Variants in ZNF683 observed in about 807,000 individuals in gnomAD.
ZNF683 encodes zinc finger protein 683.
A neutral mutation model predicts 31.4 loss-of-function variants in ZNF683; 20 were observed. That is an observed-to-expected ratio of 0.64 (90% CI 0.45 to 0.93). The LOEUF is 0.93. Among genes scored for constraint, ZNF683 ranks in the 40% least tolerant of loss-of-function variants. ZNF683 has a pLI of 0.00. For missense variants in ZNF683, 621 were observed against 637.2 expected (o/e 0.97, Z 0.27); for synonymous variants, 264 against 267.6 (o/e 0.99, Z 0.13).
chr1:26,364,479 TG>T, intron 4 of ZNF683, 52 bp downstream of exon 4: 2 of 1,597,518 alleles, frequency 1.3e-6, no homozygotes, highest in South Asian at 1.1e-5. Flanking sequence ...CTCGGGTGCA[TG>T]GGGGGCCCTG....
intron 4 of ZNF683, 111 bp downstream of exon 4, chr1:26,364,421 T>C (rs2074462535): frequency 8.2e-7 from 1 of 1,213,694 alleles, no homozygotes; most frequent in South Asian, 1.3e-5. Flanking sequence ...CCCTAGAGGT[T>C]GCCCAGGAGT....
At chr1:26,368,291 G>A (rs2074579102) in intron 2 of ZNF683, among the ~76,000 whole-genome samples, 167 bp downstream of exon 2, 1 of 152,226 alleles carries the variant, frequency 6.6e-6, no homozygotes, top group Non-Finnish European at 1.5e-5. Context: ...CATGGGGAGA[G>A]GGTGTCTGGC....
chr1:26,373,590 C>T (rs1223207491), upstream of ZNF683, among the ~76,000 whole-genome samples: 3 of 152,126 alleles, frequency 2.0e-5, no homozygotes, highest in Non-Finnish European at 4.4e-5. Context: ...CTACTTCCAG[C>T]CTCCCTTGAT....
chr1:26,369,668 C>CAAA lies in ZNF683; in HGVS notation c.-14-1086_-14-1084dup, dbSNP rs56178546. On this transcript the variant is annotated intron_variant, in intron 1 of 5. Transcript: ENST00000349618. ...GGGTGACAGAGCAAGACTTTGTCTCCAAAAAAAAAAAATTAGCTGAGTGTG... is the reference window on the plus strand; with the variant it reads ...GGGTGACAGAGCAAGACTTTGTCTCCAAAAAAAAAAAAAAATTAGCTGAGTGTG... Among the ~76,000 whole-genome samples the CAAA allele has an allele frequency of 9.2e-4, 100 of 108,684 alleles. 1 individual carries two copies. The South Asian group carries it at 0.011, about 12-fold the overall frequency. 71.3% of individuals were successfully genotyped at this position (108,684 alleles called of 152,430 possible).
At chr1:26,362,633 G>A (rs2074413398) in intron 5 of ZNF683, among the ~76,000 whole-genome samples, 1 of 152,130 alleles carries the variant, frequency 6.6e-6, no homozygotes, top group Non-Finnish European at 1.5e-5. Flanking sequence ...CCTGTAAAAT[G>A]GGAAAGAACC....
chr1:26,371,737 G>A (rs187670820), intron 1 of ZNF683, among the ~76,000 whole-genome samples: 142 of 152,066 alleles, frequency 9.3e-4, no homozygotes, highest in African/African-American at 3.4e-3. Context: ...TTCAAGACCA[G>A]CATGAGCAAC....
chr1:26,368,465 C>A lies in ZNF683; in HGVS notation c.107G>T (p.Gly36Val). ...SPSLDFQLFR[G>V]DQVFSACRPL... is the part of the protein sequence containing the mutation. ...GCTGGGGTTCTACCTTACCTGGTCA[C>A]CTCGGAAGAGCTGGAAGTCCAGGCT... Residue 36 changes from glycine (G) to valine (V), a missense_variant, in exon 2 of 6, where the codon GGT becomes GTT. Physicochemically the swap from Gly to Val is moderately radical, Grantham distance 109. Transcript: ENST00000349618. 6.3e-7 allele frequency: 1 copy of A among 1,593,130 alleles called. No homozygotes were observed. Among genetic ancestry groups the A allele is most frequent in the Non-Finnish European group, 8.5e-7 (1 of 1,170,390 alleles).
intron 1 of ZNF683, among the ~76,000 whole-genome samples, chr1:26,369,004 G>A (rs897954433): frequency 2.8e-4 from 43 of 151,926 alleles, no homozygotes; most frequent in Non-Finnish European, 1.9e-4. Context: ...CAGCACTTTG[G>A]GAGTCCAAGG....
At position 26,363,706 on chromosome 1, in the gene ZNF683, C is replaced by T. The variant is rs79247225; in HGVS notation, c.1015-552G>A. Among the ~76,000 whole-genome samples the T allele has an allele frequency of 4.7e-3, 685 of 144,474 alleles. 8 individuals carry two copies. Among genetic ancestry groups the T allele is most frequent in the African/African-American group, 0.017 (666 of 38,584 alleles). 94.8% of individuals were successfully genotyped at this position (144,474 alleles called of 152,430 possible). A position where few individuals can be genotyped will look rare whatever the true frequency, so the allele number is the denominator to read the frequency against. ...TCCCTTAAGCCCAGGAGTTTGAGAC[C>T]AGCGTGGGCGACAGAATGAGACTCC... On this transcript the variant is annotated intron_variant, in intron 4 of 5. Coordinates refer to ENST00000349618, the MANE Select transcript of ZNF683 (RefSeq NM_001114759.3).
intron 4 of ZNF683, among the ~76,000 whole-genome samples, chr1:26,363,643 C>A (rs1306189319): frequency 1.3e-5 from 2 of 151,056 alleles, no homozygotes; most frequent in East Asian, 2.0e-4. Flanking sequence ...TGGTGTTTAC[C>A]CTTCGTCCCA....
intron 3 of ZNF683, among the ~76,000 whole-genome samples, chr1:26,366,211 T>C (rs1570255490): frequency 6.6e-6 from 1 of 150,810 alleles, no homozygotes; most frequent in Non-Finnish European, 1.5e-5. Flanking sequence ...GAAAGAAAAT[T>C]AGCTGGGTGT....
upstream of ZNF683, among the ~76,000 whole-genome samples, chr1:26,373,576 C>T (rs2124225413): frequency 6.6e-6 from 1 of 152,236 alleles, no homozygotes; most frequent in South Asian, 2.1e-4. Context: ...GGCCATGGTC[C>T]TGTCTACTTC....
chr1:26,362,137 G>A lies in ZNF683; in HGVS notation c.1144-115C>T, dbSNP rs754114266. The A allele has an allele frequency of 4.3e-6, 7 of 1,612,442 alleles. No homozygotes were observed. The African/African-American group carries it at 9.3e-5, about 22-fold the overall frequency. ...CCACCTCTCTTTCCCTCCAGGCCTG[G>A]AAGCTTTTCCAGTGATTTCTTCCTG... On this transcript the variant is annotated intron_variant, in intron 5 of 5. Transcript: ENST00000349618.
intron 4 of ZNF683, 131 bp downstream of exon 4, chr1:26,364,400 AG>A: frequency 1.0e-6 from 1 of 973,650 alleles, no homozygotes; most frequent in Non-Finnish European, 1.6e-6. Flanking sequence ...GAACCATCCA[AG>A]GTCACTTGGC....
At chr1:26,362,199 C>A (rs774005074) in intron 5 of ZNF683, 177 bp from the exon 6 acceptor site, 4 of 1,566,846 alleles carry the variant, frequency 2.6e-6, no homozygotes, top group Non-Finnish European at 3.5e-6. Flanking sequence ...ACCAGGCCAA[C>A]TTGGGTTAGT....
rs753388820 is a variant in ZNF683, at chr1:26,361,832, A to G, written c.1334T>C (p.Leu445Pro). Residue 445 changes from leucine (L) to proline (P), a missense_variant, in exon 6 of 6, where the codon CTG (leucine) becomes CCG (proline). Transcript: ENST00000349618. ...LVHTQLPLAS[L>P]ACLAQWHQGA... ...CTGGTGCCATTGGGCAAGGCAGGCC[A>G]GAGAGGCCAGGGGCAGCTGGGTGTG... The G allele has an allele frequency of 6.2e-7, 1 of 1,614,066 alleles. No individual in the cohort carries two copies. Among genetic ancestry groups the G allele is most frequent in the Non-Finnish European group, 8.5e-7 (1 of 1,179,904 alleles).
chr1:26,368,878 G>A (rs1156494669), intron 1 of ZNF683, among the ~76,000 whole-genome samples: 1 of 152,116 alleles, frequency 6.6e-6, no homozygotes, highest in Non-Finnish European at 1.5e-5. Context: ...TTGGGAGGCT[G>A]AGAAGGAAGG....
In ZNF683 at chr1:26,367,622, TG is replaced by T. The variant is rs1273877898; in HGVS notation, c.289del (p.Gln97ArgfsTer8). The T allele has an allele frequency of 6.2e-7, 1 of 1,610,598 alleles. No homozygotes were observed. The highest frequency in any genetic ancestry group is 8.5e-7 in the Non-Finnish European group (1 of 1,179,048). ...GCTCAAGGCGTCCTCTTGGAGGCCC[TG>T]CAGGTCTGTGCCCAGGGGTGCCGGC... Reference protein sequence around the residue: ...PQPAPLGTDLQGLQEDALSMK... With the variant: ...PQPAPLGTDLXGLQEDALSMK... On this transcript the variant is annotated frameshift_variant, in exon 3 of 6. Coordinates refer to ENST00000349618, the MANE Select transcript of ZNF683 (RefSeq NM_001114759.3). LOFTEE classifies it high-confidence loss of function.
intron 3 of ZNF683, among the ~76,000 whole-genome samples, chr1:26,366,785 C>T (rs185669259): frequency 5.9e-5 from 9 of 152,072 alleles, no homozygotes; most frequent in Non-Finnish European, 1.2e-4. Context: ...CCTCCTGAGT[C>T]GCTGGGACTA....
Sources: allele counts gnomAD v4.1 joint callset (sites outside exome capture counted in the v4.1 genomes callset), GRCh38; gene constraint gnomAD v4.1.1; transcripts MANE v1.5; gene names NCBI Gene and HGNC (gene_info 2026-07-23, HGNC 2026-07-21).